CALD1: variants seen among roughly 807,000 people sequenced by gnomAD.
CALD1 encodes caldesmon 1, also known as caldesmon.
In CALD1, 33 loss-of-function variants were observed where a neutral mutation model predicts 99.9. That is an observed-to-expected ratio of 0.33 (90% confidence interval 0.25 to 0.44). The LOEUF is 0.44. CALD1 is among the 20% of genes least tolerant of loss of function. The pLI is 1.00. For missense variants in CALD1, 861 were observed against 962.1 expected (o/e 0.89, Z 1.39); for synonymous variants, 310 against 325.0 (o/e 0.95, Z 0.50).
At chr7:134,781,798 A>T (rs573732182) in intron 1 of CALD1, among the ~76,000 whole-genome samples, 1 of 152,376 alleles carries the variant, frequency 6.6e-6, no homozygotes, top group East Asian at 1.9e-4. Context: ...AGATTGCCTT[A>T]AGTAAATACA....
At chr7:134,794,487 T>C (rs746013688) in intron 1 of CALD1, among the ~76,000 whole-genome samples, 7 of 152,124 alleles carry the variant, frequency 4.6e-5, no homozygotes, top group Non-Finnish European at 8.8e-5. Context: ...CATAGGTTTT[T>C]TGTTGTTGTT....
intron 14 of CALD1, among the ~76,000 whole-genome samples, chr7:134,965,705 A>G (rs1808625359): frequency 6.6e-6 from 1 of 152,178 alleles, no homozygotes; most frequent in Non-Finnish European, 1.5e-5. Context: ...GTCCCAGCTT[A>G]GTGCCACAGT....
At chr7:134,876,532 G>C (rs945525093) in intron 3 of CALD1, among the ~76,000 whole-genome samples, 1 of 152,198 alleles carries the variant, frequency 6.6e-6, no homozygotes, top group African/African-American at 2.4e-5. Context: ...AGTGAATAAA[G>C]TGAAAAATAA....
chr7:134,794,769 C>A (rs1310985338), intron 1 of CALD1, among the ~76,000 whole-genome samples: 1 of 152,140 alleles, frequency 6.6e-6, no homozygotes, highest in Non-Finnish European at 1.5e-5. Flanking sequence ...TTATACCATG[C>A]CCAGCCTGCT....
At chr7:134,787,544 C>A (rs1797353530) in intron 1 of CALD1, among the ~76,000 whole-genome samples, 1 of 152,194 alleles carries the variant, frequency 6.6e-6, no homozygotes, top group Admixed American at 6.5e-5. Context: ...CTCACCCCTA[C>A]ATCTTCTCTA....
At chr7:134,752,099 G>C (rs1195208183) in intron 1 of CALD1, among the ~76,000 whole-genome samples, 1 of 152,200 alleles carries the variant, frequency 6.6e-6, no homozygotes, top group Admixed American at 6.5e-5. Flanking sequence ...AGATTTCCAG[G>C]AGAAAGTTAA....
chr7:134,879,069 A>G (rs1441035351), intron 3 of CALD1, among the ~76,000 whole-genome samples: 3 of 152,236 alleles, frequency 2.0e-5, no homozygotes, highest in Admixed American at 2.0e-4. Flanking sequence ...GGAGTGACAG[A>G]TCTGCATTTG....
intron 2 of CALD1, among the ~76,000 whole-genome samples, chr7:134,851,181 A>G (rs753208185): frequency 5.9e-5 from 9 of 152,160 alleles, no homozygotes; most frequent in African/African-American, 1.7e-4. Flanking sequence ...CCATTTTCCC[A>G]TAAGCTACCA....
chr7:134,924,913 G>A (rs564624325), intron 3 of CALD1, among the ~76,000 whole-genome samples: 2 of 152,192 alleles, frequency 1.3e-5, no homozygotes, highest in African/African-American at 4.8e-5. Flanking sequence ...TCCTTCACTT[G>A]GCGCTTCTTC....
chr7:134,959,438 G>A (rs1451079652), intron 11 of CALD1, among the ~76,000 whole-genome samples: 5 of 152,120 alleles, frequency 3.3e-5, no homozygotes, highest in Admixed American at 2.6e-4. Flanking sequence ...TCAGGAGGCC[G>A]AGGCAGGAGG....
At chr7:134,924,175 A>C (rs1382160098) in intron 3 of CALD1, among the ~76,000 whole-genome samples, 1 of 152,232 alleles carries the variant, frequency 6.6e-6, no homozygotes, top group Non-Finnish European at 1.5e-5. Flanking sequence ...TATTTTATTA[A>C]AAACAAAAAT....
chr7:134,833,979 G>A (rs996720386), intron 1 of CALD1, among the ~76,000 whole-genome samples: 2 of 152,134 alleles, frequency 1.3e-5, no homozygotes, highest in Non-Finnish European at 2.9e-5. Flanking sequence ...TTTCTTCCAC[G>A]GAAGAAAGAT....
chr7:134,941,852 G>A (rs901586314), intron 7 of CALD1, among the ~76,000 whole-genome samples: 2 of 152,136 alleles, frequency 1.3e-5, no homozygotes, highest in South Asian at 2.1e-4. Flanking sequence ...AAACTCTCTT[G>A]TATAGCTTGA....
chr7:134,950,741 A>G (rs909866987), intron 9 of CALD1, among the ~76,000 whole-genome samples: 1 of 152,152 alleles, frequency 6.6e-6, no homozygotes, highest in Admixed American at 6.5e-5. Flanking sequence ...AGATCACCTG[A>G]GGTCAGGAGT....
At chr7:134,834,054 T>G (rs923085903) in intron 1 of CALD1, among the ~76,000 whole-genome samples, 12 of 152,210 alleles carry the variant, frequency 7.9e-5, no homozygotes, top group African/African-American at 2.9e-4. Flanking sequence ...CCTAATATTT[T>G]AAAAAGTAAA....
intron 3 of CALD1, among the ~76,000 whole-genome samples, chr7:134,887,746 ATGTG>A (rs5887712): frequency 0.33 from 49,983 of 149,504 alleles, 10,299 homozygotes; most frequent in East Asian, 0.84. Flanking sequence ...CTGTGTGTGC[ATGTG>A]TGTCTCTATG....
At chr7:134,867,997 GAA>G (rs1800882169) in intron 3 of CALD1, 193 bp downstream of exon 3, 3 of 393,044 alleles carry the variant, frequency 7.6e-6, no homozygotes, top group African/African-American at 6.2e-5. Context: ...CAAGAATCAA[GAA>G]AAAGAGAGAT....
upstream of CALD1, among the ~76,000 whole-genome samples, chr7:134,774,751 A>G (rs1279477225): frequency 6.6e-6 from 1 of 152,182 alleles, no homozygotes; most frequent in African/African-American, 2.4e-5. Flanking sequence ...TCAGTTTCTC[A>G]GCTCTGTTGA....
At chr7:134,888,052 G>C (rs556637712) in intron 3 of CALD1, among the ~76,000 whole-genome samples, 93 of 152,304 alleles carry the variant, frequency 6.1e-4, no homozygotes, top group African/African-American at 2.1e-3. Context: ...CCTCCATGAA[G>C]TAAAGTTATT....
Sources: gnomAD v4.1 joint callset for allele counts (sites outside exome capture counted in the v4.1 genomes callset) on GRCh38, gnomAD v4.1.1 for gene constraint, MANE v1.5 for transcripts, NCBI Gene and HGNC (gene_info 2026-07-23, HGNC 2026-07-21) for gene names.